GNAO1: variants seen among roughly 807,000 people sequenced by gnomAD.
The protein encoded by GNAO1 is G protein subunit alpha o1, also known as guanine nucleotide-binding protein G(o) subunit alpha.
For missense variants in GNAO1, 166 were observed against 478.7 expected (o/e 0.35, Z 6.10); for synonymous variants, 164 against 180.7 (o/e 0.91, Z 0.74).
At chr16:56,261,200 AATC>A in intron 2 of GNAO1, among the ~76,000 whole-genome samples, 1 of 152,326 alleles carries the variant, frequency 6.6e-6, no homozygotes, top group East Asian at 1.9e-4. Context: ...GGACATGAGA[AATC>A]ATGATTTCCC....
intron 2 of GNAO1, among the ~76,000 whole-genome samples, chr16:56,271,382 A>G (rs776629278): frequency 1.1e-4 from 16 of 152,258 alleles, no homozygotes; most frequent in African/African-American, 1.7e-4. Flanking sequence ...ATGAGCTGCA[A>G]TTATTCTGCT....
intron 6 of GNAO1, among the ~76,000 whole-genome samples, chr16:56,342,625 C>T (rs1050749176): frequency 2.0e-5 from 3 of 152,228 alleles, no homozygotes; most frequent in African/African-American, 7.2e-5. Flanking sequence ...ACAGCAGAAA[C>T]AAGAAGTTTA....
intron 2 of GNAO1, among the ~76,000 whole-genome samples, chr16:56,252,130 C>A (rs2036805421): frequency 6.6e-6 from 1 of 152,246 alleles, no homozygotes; most frequent in Admixed American, 6.5e-5. Context: ...ATGAGCTGAT[C>A]AGGCCAAAAT....
chr16:56,260,201 C>G (rs1418314378), intron 2 of GNAO1, among the ~76,000 whole-genome samples: 1 of 152,180 alleles, frequency 6.6e-6, no homozygotes, highest in Non-Finnish European at 1.5e-5. Flanking sequence ...GCTGCCGCTA[C>G]TCTGTTCTCC....
chr16:56,194,971 T>C (rs1445886398), intron 2 of GNAO1, among the ~76,000 whole-genome samples: 1 of 152,050 alleles, frequency 6.6e-6, no homozygotes, highest in African/African-American at 2.4e-5. Context: ...GTCCTCTGTG[T>C]CTTGTATTTG....
chr16:56,294,341 T>TAAA (rs377121608), intron 3 of GNAO1, among the ~76,000 whole-genome samples: 155 of 133,598 alleles, frequency 1.2e-3, no homozygotes, highest in African/African-American at 3.6e-3. Context: ...GGCTTTGCTT[T>TAAA]AAAAAAAAAA....
chr16:56,286,691 G>A (rs1345988506), intron 3 of GNAO1, among the ~76,000 whole-genome samples: 3 of 134,060 alleles, frequency 2.2e-5, no homozygotes, highest in South Asian at 2.8e-4. Flanking sequence ...TGTCTCTGTC[G>A]CCTCTGTGTG....
In GNAO1 at chr16:56,351,346, C is replaced by T. The variant is rs148492345; in HGVS notation, c.724-38C>T. ...TTTCCCTGTCTCTGTGTCTCCCTCC[C>T]GCTGTCTGTCCTCTCTCCTCCCTTC... On this transcript the variant is annotated intron_variant, in intron 6 of 8. Transcript: ENST00000262493. This position sits in a 1 kb window ranked among gnomAD's most constrained non-coding sequence, Gnocchi z 6.1. 4.6e-3 allele frequency: 7,080 copies of T among 1,532,398 alleles called. 23 individuals carry two copies. Among genetic ancestry groups the T allele is most frequent in the Non-Finnish European group, 5.7e-3 (6,315 of 1,108,998 alleles). 94.9% of individuals were successfully genotyped at this position (1,532,398 alleles called of 1,614,324 possible). A position where few individuals can be genotyped will look rare whatever the true frequency, so the allele number is the denominator to read the frequency against.
intron 2 of GNAO1, among the ~76,000 whole-genome samples, chr16:56,222,961 G>A (rs1484528041): frequency 1.3e-5 from 2 of 152,200 alleles, no homozygotes; most frequent in African/African-American, 4.8e-5. Context: ...TATATACAGA[G>A]ACCCTGGTGC....
intron 2 of GNAO1, among the ~76,000 whole-genome samples, chr16:56,207,919 G>A (rs2143321600): frequency 6.6e-6 from 1 of 152,286 alleles, no homozygotes; most frequent in South Asian, 2.1e-4. Context: ...TAAAAAAGTA[G>A]GACATTGCTA....
At chr16:56,293,523 A>G (rs2037253708) in intron 3 of GNAO1, among the ~76,000 whole-genome samples, 2 of 152,188 alleles carry the variant, frequency 1.3e-5, no homozygotes, top group African/African-American at 4.8e-5. Flanking sequence ...GTGTGCAGAC[A>G]GTGTGCCAGC....
intron 2 of GNAO1, among the ~76,000 whole-genome samples, chr16:56,271,986 A>G (rs2037022222): frequency 6.6e-6 from 1 of 152,202 alleles, no homozygotes; most frequent in African/African-American, 2.4e-5. Flanking sequence ...GATACATTTA[A>G]GGATATTTGC....
intron 2 of GNAO1, among the ~76,000 whole-genome samples, chr16:56,207,343 GT>G (rs1165863172): frequency 6.6e-6 from 1 of 152,266 alleles, no homozygotes; most frequent in African/African-American, 2.4e-5. Context: ...ACTGTGAGGA[GT>G]AAGTGAGATA....
intron 3 of GNAO1, among the ~76,000 whole-genome samples, chr16:56,312,067 G>A (rs565381371): frequency 2.6e-5 from 4 of 152,220 alleles, no homozygotes; most frequent in East Asian, 1.9e-4. Flanking sequence ...CAGGGCTGCC[G>A]GGCTCTGGGC....
At chr16:56,201,758 A>G (rs2036283758) in intron 2 of GNAO1, among the ~76,000 whole-genome samples, 1 of 152,228 alleles carries the variant, frequency 6.6e-6, no homozygotes, top group Non-Finnish European at 1.5e-5. Flanking sequence ...ATGGACAAAA[A>G]TGAGTCCAGG....
rs1248816935 is a variant in GNAO1, at chr16:56,191,980, C to G, written c.-256C>G. 1.9e-6 allele frequency: 1 copy of G among 536,530 alleles called. No homozygotes were observed. Among genetic ancestry groups the G allele is most frequent in the African/African-American group, 1.9e-5 (1 of 52,474 alleles). The allele number at this position is 536,530 out of a possible 1,614,324, so 33.2% of individuals were successfully genotyped here. A position where few individuals can be genotyped will look rare whatever the true frequency, so the allele number is the denominator to read the frequency against. ...CGCCTCCTCCCTTGGCTCCGGAGCC[C>G]CAGACCCCGGCCACCCTCGATTCGA... On this transcript the variant is annotated 5_prime_UTR_variant, in exon 1 of 9. Coordinates refer to ENST00000262493, the MANE Select transcript of GNAO1 (RefSeq NM_020988.3). The surrounding 1 kb of genome is among the most constrained non-coding windows in gnomAD (Gnocchi z 4.7).
intron 2 of GNAO1, among the ~76,000 whole-genome samples, chr16:56,249,059 G>A (rs746849153): frequency 6.6e-6 from 1 of 152,234 alleles, no homozygotes; most frequent in Non-Finnish European, 1.5e-5. Context: ...AGAAACTACG[G>A]TGGTAGTGAT....
chr16:56,330,178 A>T (rs2037675128), intron 4 of GNAO1, among the ~76,000 whole-genome samples: 1 of 152,230 alleles, frequency 6.6e-6, no homozygotes, highest in African/African-American at 2.4e-5. Context: ...CCCGGGCCTG[A>T]TGAGCTCCCA....
At chr16:56,332,103 C>G (rs937216968) in intron 4 of GNAO1, among the ~76,000 whole-genome samples, 2 of 152,222 alleles carry the variant, frequency 1.3e-5, no homozygotes, top group African/African-American at 4.8e-5. Flanking sequence ...GTGACGACAG[C>G]AGCTCTGCAG....
Sources: gnomAD v4.1 joint callset for allele counts (sites outside exome capture counted in the v4.1 genomes callset) on GRCh38, gnomAD v4.1.1 for gene constraint, Gnocchi (gnomAD v3.1) non-coding constraint, MANE v1.5 for transcripts, NCBI Gene and HGNC (gene_info 2026-07-23, HGNC 2026-07-21) for gene names.